TTN: variants seen among roughly 807,000 people sequenced by gnomAD.
TTN encodes the protein titin, also known as connectin.
A neutral mutation model predicts 3,223.0 loss-of-function variants in TTN; 1,525 were observed. The ratio of observed to expected loss-of-function variants is 0.47; its 90% CI spans 0.45 to 0.49. The LOEUF is 0.49. Among genes scored for constraint, TTN ranks in the 20% least tolerant of loss-of-function variants. The pLI is 0.00. For synonymous variants in TTN, 14,094 were observed against 15,161.0 expected (o/e 0.93, Z 5.17); for missense variants, 40,786 against 43,424.0 (o/e 0.94, Z 5.40).
At chr2:178,637,140 T>A (rs971371130) in intron 224 of TTN, among the ~76,000 whole-genome samples, 1 of 120,478 alleles carries the variant, frequency 8.3e-6, no homozygotes, top group Non-Finnish European at 1.8e-5. Flanking sequence ...TGCTAAAATA[T>A]AGTTGGATAT....
chr2:178,794,062 G>A (rs1185355508), intron 8 of TTN, among the ~76,000 whole-genome samples: 1 of 152,216 alleles, frequency 6.6e-6, no homozygotes, highest in Non-Finnish European at 1.5e-5. Context: ...TCCACATCCA[G>A]TGTGTGCAGT....
At chr2:178,624,348 A>G in intron 242 of TTN, 117 bp downstream of exon 242, 1 of 1,295,370 alleles carries the variant, frequency 7.7e-7, no homozygotes, top group South Asian at 1.3e-5. Context: ...TCAATACTAG[A>G]AGTTGCCAAG....
In TTN at chr2:178,562,205, G is replaced by C; in HGVS notation, c.83927C>G (p.Ala27976Gly). 2.5e-6 allele frequency: 4 copies of C among 1,612,680 alleles called. No individual in the cohort carries two copies. The highest frequency in any genetic ancestry group is 3.4e-6 in the Non-Finnish European group (4 of 1,179,412). The change falls in exon 326 of 363, where the codon GCT becomes GGT. Residue 27976 changes from alanine (A) to glycine (G), a missense_variant. Ala to Gly is a moderately conservative substitution (Grantham distance 60). Coordinates refer to ENST00000589042, the MANE Select transcript of TTN (RefSeq NM_001267550.2). ...CACATCAATCTTAAGTTGTTCTCTA[G>C]CCTTTACATTGAAAGTATGGAAAGG... ...ELPFHTFNVK[A>G]REQLKIDVPF...
In TTN at chr2:178,777,424, C is replaced by T; in HGVS notation, c.4641G>A (p.Val1547=). ...TTTTATTTTATCTCATTTTACCTTC[C>T]ACAGTTAAAATCACTGAAATTGAAG... ...GRSSISVILT[V]EAVEHQVKPM... Residue 1547 remains valine, a synonymous_variant, in exon 26 of 363, where the codon GTG becomes GTA. Coordinates refer to ENST00000589042, the MANE Select transcript of TTN (RefSeq NM_001267550.2). 1 of 1,613,464 alleles carries T rather than the reference C, an allele frequency of 6.2e-7. No individual in the cohort carries two copies. Among genetic ancestry groups the T allele is most frequent in the Non-Finnish European group, 8.5e-7 (1 of 1,179,774 alleles).
At chr2:178,771,935 C>G (rs1422728280) in intron 33 of TTN, among the ~76,000 whole-genome samples, 1 of 152,098 alleles carries the variant, frequency 6.6e-6, no homozygotes. Context: ...CAAATGTCGC[C>G]CATTCTATGA....
intron 331 of TTN, 33 bp downstream of exon 331, chr2:178,554,832 G>A (rs1045076728): frequency 6.2e-7 from 1 of 1,612,838 alleles, no homozygotes; most frequent in Admixed American, 1.7e-5. Context: ...TTAGGCAAAT[G>A]TAATATGACA....
chr2:178,549,127 T>C lies in TTN; in HGVS notation c.92499A>G (p.Thr30833=). The stretch of plus-strand genomic sequence containing the variant: ...ATTCTAAGCTCACAGTTGTCTTTGA[T>C]GTGTCTGTTACTTTGACCACTGTGG... ...GPPTVVKVTD[T]SKTTVSLEWS... is the part of the protein sequence containing the mutation. Residue 30833 remains threonine (T), a synonymous_variant, in exon 339 of 363, where the codon ACA becomes ACG. Coordinates refer to ENST00000589042, the MANE Select transcript of TTN (RefSeq NM_001267550.2). 1 of 1,613,908 alleles carries C rather than the reference T, an allele frequency of 6.2e-7. No homozygotes were observed. The highest frequency in any genetic ancestry group is 8.5e-7 in the Non-Finnish European group (1 of 1,179,836).
rs1249967491 is a variant in TTN, at chr2:178,683,215, G to C, written c.32883C>G (p.Ile10961Met). The change falls in exon 134 of 363, where the codon ATC (isoleucine) becomes ATG (methionine). Residue 10961 changes from isoleucine (I) to methionine (M), a missense_variant. Physicochemically the swap from Ile to Met is conservative, Grantham distance 10 (BLOSUM62 1). Transcript: ENST00000589042. ...IEAPKREPQP[I>M]KEVTIMEEKE... ...CTTAATCAAAGTTCAATATACCTTT[G>C]ATGGGTTGAGGTTCTCTTTTTGGAG... 2.6e-6 allele frequency: 4 copies of C among 1,548,176 alleles called. No homozygotes were observed. The highest frequency in any genetic ancestry group is 3.5e-6 in the Non-Finnish European group (4 of 1,142,410).
rs1707436468 is a variant in TTN at position 178,569,707 on chromosome 2, A to T, written c.76425T>A (p.His25475Gln). ...TAGCACAGATACGGAAGTTGTATTC[A>T]TGCTTTTCCAACAGCTTCTCTACTT... is the stretch of plus-strand genomic sequence containing the variant. ...NIEVEKLLEK[H>Q]EYNFRICAIN... is the part of the protein sequence containing the mutation. The change falls in exon 326 of 363, where the codon CAT (histidine) becomes CAA (glutamine). Residue 25475 changes from histidine to glutamine, a missense_variant. His to Gln is a conservative substitution (Grantham distance 24, BLOSUM62 0). Transcript: ENST00000589042. 1.2e-6 allele frequency: 2 copies of T among 1,612,980 alleles called. No homozygotes were observed. Among genetic ancestry groups the T allele is most frequent in the African/African-American group, 1.3e-5 (1 of 74,896 alleles).
Position 178,575,572 on chromosome 2 carries a change from T to C in TTN, c.70560A>G (p.Pro23520=), listed in dbSNP as rs759355651. 4 of 1,613,708 alleles carry C rather than the reference T, an allele frequency of 2.5e-6. No homozygotes were observed. In the South Asian group the frequency reaches 4.4e-5, roughly 18 times the overall value. The part of the protein sequence containing the change: ...MAENEYGIGE[P]TETTEPVKAS... ...CTTTTACGGGCTCTGTAGTTTCTGTTGGCTCACCAATTCCATATTCATTCT... is the reference window on the plus strand; with the variant it reads ...CTTTTACGGGCTCTGTAGTTTCTGTCGGCTCACCAATTCCATATTCATTCT... Residue 23520 remains proline (P), a synonymous_variant, in exon 326 of 363, where the codon CCA becomes CCG. Coordinates refer to ENST00000589042, the MANE Select transcript of TTN (RefSeq NM_001267550.2). This position sits in a 1 kb window ranked among gnomAD's most constrained non-coding sequence, Gnocchi z 4.0.
At position 178,568,315 on chromosome 2, in the gene TTN, A is replaced by G. The variant is rs752754298; in HGVS notation, c.77817T>C (p.Asp25939=). Residue 25939 remains aspartate (D), a synonymous_variant, in exon 326 of 363, where the codon GAT becomes GAC. Transcript: ENST00000589042. ...TTCTAGCAACAGTAGCAGAAACAAC[A>G]TCCCATACTGTGGTGGTTGTATCTC... ...QKRDTTTTVW[D]VVSATVARTT... The G allele has an allele frequency of 3.7e-6, 6 of 1,613,498 alleles. No individual in the cohort carries two copies. The highest frequency in any genetic ancestry group is 5.1e-6 in the Non-Finnish European group (6 of 1,179,638).
In TTN at chr2:178,689,311, C is replaced by T. The variant is rs957238925; in HGVS notation, c.31990G>A (p.Glu10664Lys). ...ATACCTTTTGGTGGTGGTGGAACTT[C>T]TTCCTCCTTCCGAGGAACAGGTTTC... Reference protein sequence around the residue: ...ERKPVPRKEEEVPPPPKVPAL... With the variant: ...ERKPVPRKEEKVPPPPKVPAL... Residue 10664 changes from glutamate to lysine, a missense_variant, in exon 124 of 363, where the codon GAA (glutamate) becomes AAA (lysine). Physicochemically the swap from Glu to Lys is moderately conservative, Grantham distance 56. Transcript: ENST00000589042. 2 of 1,613,350 alleles carry T rather than the reference C, an allele frequency of 1.2e-6. No individual in the cohort carries two copies. Among genetic ancestry groups the T allele is most frequent in the Admixed American group, 1.7e-5 (1 of 59,902 alleles).
chr2:178,740,992 T>G lies in TTN; in HGVS notation c.12241A>C (p.Lys4081Gln), dbSNP rs1286109737. The G allele has an allele frequency of 6.2e-7, 1 of 1,613,962 alleles. No homozygotes were observed. Among genetic ancestry groups the G allele is most frequent in the South Asian group, 1.1e-5 (1 of 91,086 alleles). The stretch of plus-strand genomic sequence containing the variant: ...TTTTCTTCTGTAATTAAAGCAGCTT[T>G]CAAAATGGTGTCTTTTACAAACGTT... ...IATFVKDTIL[K>Q]AALITEENQQ... Residue 4081 changes from lysine to glutamine, a missense_variant, in exon 48 of 363, where the codon AAA (lysine) becomes CAA (glutamine). Transcript: ENST00000589042.
At position 178,683,243 on chromosome 2, in the gene TTN, T is replaced by C. The variant is rs1224476628; in HGVS notation, c.32855A>G (p.Glu10952Gly). The C allele has an allele frequency of 1.3e-6, 2 of 1,552,728 alleles. No homozygotes were observed. The highest frequency in any genetic ancestry group is 1.9e-5 in the Admixed American group (1 of 51,330). ...RVVKEEKVSIEAPKREPQPIK... is the reference protein window; with the variant it reads ...RVVKEEKVSIGAPKREPQPIK... ...GGGTTGAGGTTCTCTTTTTGGAGCTTCAATTGATACTTTTTCTTCTTTAAC... is the reference window on the plus strand; with the variant it reads ...GGGTTGAGGTTCTCTTTTTGGAGCTCCAATTGATACTTTTTCTTCTTTAAC... The change falls in exon 134 of 363, where the codon GAA (glutamate) becomes GGA (glycine). Residue 10952 changes from glutamate to glycine, a missense_variant. Coordinates refer to ENST00000589042, the MANE Select transcript of TTN (RefSeq NM_001267550.2).
chr2:178,581,736 C>T lies in TTN; in HGVS notation c.66532G>A (p.Gly22178Ser). ...CTGCCGCCGTCATAGGCTGGCTTGC[C>T]CCAAGATAGACTCACAGAGCTGCGA... ...TTRSSVSLSW[G>S]KPAYDGGSPI... Residue 22178 changes from glycine (G) to serine (S), a missense_variant, in exon 316 of 363, where the codon GGC (glycine) becomes AGC (serine). Transcript: ENST00000589042. The T allele has an allele frequency of 6.2e-7, 1 of 1,609,118 alleles. No homozygotes were observed. Among genetic ancestry groups the T allele is most frequent in the Non-Finnish European group, 8.5e-7 (1 of 1,177,580 alleles).
Position 178,567,783 on chromosome 2 carries a change from C to CA in TTN, c.78348dup (p.Gly26117TrpfsTer13), listed in dbSNP as rs751230035. ...ACAATGTAGCCTGTAATCATACTTC[C>CA]ACCATCATACACAGGTTTGGTCCAC... On this transcript the variant is annotated frameshift_variant, in exon 326 of 363. Coordinates refer to ENST00000589042, the MANE Select transcript of TTN (RefSeq NM_001267550.2). LOFTEE classifies it high-confidence loss of function. 2 of 1,613,426 alleles carry CA rather than the reference C, an allele frequency of 1.2e-6. No homozygotes were observed.
rs1314741857 is a variant in TTN, at chr2:178,734,778, C to T, written c.15146G>A (p.Ser5049Asn). 1.9e-6 allele frequency: 3 copies of T among 1,613,812 alleles called. No homozygotes were observed. The South Asian group carries it at 3.3e-5, about 18-fold the overall frequency. Residue 5049 changes from serine (S) to asparagine (N), a missense_variant, in exon 51 of 363, where the codon AGT (serine) becomes AAT (asparagine). Ser to Asn is a conservative substitution (Grantham distance 46, BLOSUM62 1). Coordinates refer to ENST00000589042, the MANE Select transcript of TTN (RefSeq NM_001267550.2). The part of the protein sequence containing the change: ...LDITDVKVED[S>N]GSYSCEAVND... The stretch of plus-strand genomic sequence containing the variant: ...CACTGCTTCACATGAGTAACTCCCA[C>T]TGTCTTCAACTTTTACATCCGTAAT...
chr2:178,533,596 C>G lies in TTN; in HGVS notation c.103019G>C (p.Gly34340Ala), dbSNP rs1211065675. Residue 34340 changes from glycine to alanine, a missense_variant, in exon 358 of 363, where the codon GGT (glycine) becomes GCT (alanine). Gly to Ala is a moderately conservative substitution (Grantham distance 60, BLOSUM62 0). Coordinates refer to ENST00000589042, the MANE Select transcript of TTN (RefSeq NM_001267550.2). Reference sequence around the variant, plus strand: ...CAGCTTTGCTTTACAGCTGTCTTCACCATATTTGTTCCTTGCCACAACAGT... The same window carrying G: ...CAGCTTTGCTTTACAGCTGTCTTCAGCATATTTGTTCCTTGCCACAACAGT... Reference protein sequence around the residue: ...EYTVVARNKYGEDSCKAKLTV... With the variant: ...EYTVVARNKYAEDSCKAKLTV... 6.2e-7 allele frequency: 1 copy of G among 1,613,904 alleles called. No individual in the cohort carries two copies. Among genetic ancestry groups the G allele is most frequent in the East Asian group, 2.2e-5 (1 of 44,874 alleles).
intron 215 of TTN, 56 bp from the exon 216 acceptor site, chr2:178,646,615 A>T: frequency 1.9e-6 from 2 of 1,043,434 alleles, no homozygotes; most frequent in Non-Finnish European, 2.9e-6. Context: ...CTTCAAAAAG[A>T]CTCATACAAA....
Sources: allele counts gnomAD v4.1 joint callset (sites outside exome capture counted in the v4.1 genomes callset), GRCh38; gene constraint gnomAD v4.1.1; non-coding constraint Gnocchi (gnomAD v3.1); transcripts MANE v1.5; gene names NCBI Gene and HGNC (gene_info 2026-07-23, HGNC 2026-07-21).